Variants in VPS13C observed in about 807,000 individuals in gnomAD.
The protein encoded by VPS13C is intermembrane lipid transfer protein VPS13C.
In VPS13C, 358 loss-of-function variants were observed where a neutral mutation model predicts 456.8. The ratio of observed to expected loss-of-function variants is 0.78; its 90% CI spans 0.72 to 0.86. The LOEUF (loss-of-function observed/expected upper bound fraction) is 0.86, where lower values mean the gene tolerates loss of function less well. Ranked by LOEUF, VPS13C falls within the 40% of genes least tolerant of loss-of-function variation. The pLI, the probability that VPS13C is intolerant of heterozygous loss-of-function variation, is 0.00. For missense variants in VPS13C, 4,818 were observed against 4,385.4 expected, an observed-to-expected ratio of 1.10 and a Z score of -2.79; for synonymous variants, 1,578 against 1,486.7, an observed-to-expected ratio of 1.06 and a Z score of -1.41.
At position 61,893,347 on chromosome 15, in the gene VPS13C, A is replaced by C. The variant is rs1192154199; in HGVS notation, c.9106-2947T>G. 2.6e-5 allele frequency among the ~76,000 whole-genome samples: 4 copies of C among 152,216 alleles called. No homozygotes were observed. In the East Asian group the frequency reaches 7.7e-4, roughly 29 times the overall value. ...CAACATACTCAAAGTGTTGAAGGGG[A>C]AGAAAAACCCTGCCAACCAAGAATA... On this transcript the variant is annotated intron_variant, in intron 66 of 84. Transcript: ENST00000644861.
intron 47 of VPS13C, among the ~76,000 whole-genome samples, chr15:61,939,028 A>G (rs1303265134): frequency 1.3e-5 from 2 of 152,198 alleles, no homozygotes; most frequent in African/African-American, 4.8e-5. Flanking sequence ...TGTTCAAGAT[A>G]TATCAATTTT....
At chr15:61,997,959 C>G (rs1297333958) in intron 16 of VPS13C, among the ~76,000 whole-genome samples, 3 of 152,094 alleles carry the variant, frequency 2.0e-5, no homozygotes, top group African/African-American at 7.2e-5. Flanking sequence ...GAGTAAGAGC[C>G]AAAATCCACA....
In VPS13C at chr15:61,962,811, G is replaced by T. The variant is rs754415374; in HGVS notation, c.3373C>A (p.Leu1125Ile). ...ATAATATTTTCTAGTCGGGCAAAAA[G>T]TGACTGCTTTCTTGACTGGAGAGAA... Reference protein sequence around the residue: ...SLSLQSRKQSLFARLENIIVT... With the variant: ...SLSLQSRKQSIFARLENIIVT... Residue 1125 changes from leucine to isoleucine, a missense_variant, in exon 33 of 85, where the codon CTT (leucine) becomes ATT (isoleucine). Physicochemically the swap from Leu to Ile is conservative, Grantham distance 5. Coordinates refer to ENST00000644861, the MANE Select transcript of VPS13C (RefSeq NM_020821.3). 16 of 1,607,274 alleles carry T rather than the reference G, an allele frequency of 1.0e-5. No homozygotes were observed. The highest frequency in any genetic ancestry group is 3.3e-5 in the South Asian group (3 of 89,838).
intron 38 of VPS13C, among the ~76,000 whole-genome samples, chr15:61,952,990 C>G (rs932310821): frequency 2.0e-5 from 3 of 151,910 alleles, no homozygotes; most frequent in African/African-American, 7.3e-5. Flanking sequence ...TCCCAGAGTA[C>G]TGAGATTACA....
intron 66 of VPS13C, among the ~76,000 whole-genome samples, chr15:61,894,015 A>T (rs1302025770): frequency 6.6e-6 from 1 of 152,134 alleles, no homozygotes; most frequent in Admixed American, 6.5e-5. Flanking sequence ...ATTATAAAAG[A>T]ATCAGAAAGG....
chr15:62,041,671 T>A (rs1488614702), intron 2 of VPS13C, among the ~76,000 whole-genome samples: 1 of 151,848 alleles, frequency 6.6e-6, no homozygotes, highest in Non-Finnish European at 1.5e-5. Flanking sequence ...TACAAAAAAA[T>A]TAGCCTGGTG....
intron 9 of VPS13C, among the ~76,000 whole-genome samples, chr15:62,019,948 CTA>C (rs764621638): frequency 1.1e-4 from 16 of 146,520 alleles, no homozygotes; most frequent in African/African-American, 7.5e-5. Context: ...AATGTCCAGC[CTA>C]TATATATATA....
rs547236976 is a variant in VPS13C, at chr15:62,046,417, T to C, written c.101-2162A>G. ...GTATTATATATGCACTAAAATTACATAAAGACAAATATTCCTAGATTCAAA... is the reference window on the plus strand; with the variant it reads ...GTATTATATATGCACTAAAATTACACAAAGACAAATATTCCTAGATTCAAA... On this transcript the variant is annotated intron_variant, in intron 1 of 84. Coordinates refer to ENST00000644861, the MANE Select transcript of VPS13C (RefSeq NM_020821.3). Among the ~76,000 whole-genome samples the C allele has an allele frequency of 5.9e-5, 9 of 152,276 alleles. No homozygotes were observed. In the East Asian group the frequency reaches 1.7e-3, roughly 29 times the overall value.
chr15:61,931,299 A>C (rs1234700171), intron 49 of VPS13C, 40 bp from the exon 50 acceptor site: 1 of 1,534,518 alleles, frequency 6.5e-7, no homozygotes, highest in East Asian at 2.4e-5. Flanking sequence ...AATTACCTTT[A>C]AATATTATAT....
At chr15:61,872,077 T>G (rs766106199) in intron 78 of VPS13C, 43 bp from the exon 79 acceptor site, 1 of 1,580,376 alleles carries the variant, frequency 6.3e-7, no homozygotes, top group South Asian at 1.1e-5. Context: ...GAATGGAAGG[T>G]GTTTAATTTT....
chr15:61,896,125 G>A (rs1484249732), intron 66 of VPS13C, among the ~76,000 whole-genome samples: 2 of 152,134 alleles, frequency 1.3e-5, no homozygotes, highest in East Asian at 3.8e-4. Flanking sequence ...GAGCAGACCA[G>A]TAACAAGCAA....
intron 82 of VPS13C, among the ~76,000 whole-genome samples, chr15:61,862,723 G>A (rs771226259): frequency 2.0e-5 from 3 of 152,046 alleles, no homozygotes; most frequent in African/African-American, 4.8e-5. Context: ...TGAGGATTCT[G>A]ACATGACTGG....
chr15:61,998,377 A>C (rs1596452183), intron 16 of VPS13C, among the ~76,000 whole-genome samples: 1 of 152,192 alleles, frequency 6.6e-6, no homozygotes, highest in Non-Finnish European at 1.5e-5. Flanking sequence ...CTACAATATA[A>C]ATAAAAGATT....
chr15:62,058,929 CA>C (rs10536013), intron 1 of VPS13C, among the ~76,000 whole-genome samples: 4,124 of 141,786 alleles, frequency 0.029, 107 homozygotes, highest in South Asian at 0.076. Context: ...AAAGACAAGC[CA>C]AAAAAAAAAA....
intron 80 of VPS13C, 63 bp from the exon 81 acceptor site, chr15:61,868,836 G>C (rs1428824539): frequency 1.6e-6 from 2 of 1,272,546 alleles, no homozygotes; most frequent in East Asian, 2.4e-5. Flanking sequence ...TAATGTGTGT[G>C]TTGATTAAAT....
At chr15:62,028,725 A>T (rs2047719751) in intron 5 of VPS13C, among the ~76,000 whole-genome samples, 1 of 152,106 alleles carries the variant, frequency 6.6e-6, no homozygotes, top group South Asian at 2.1e-4. Flanking sequence ...GTTTTCAAAC[A>T]GTGCAAAAAT....
chr15:62,021,452 G>A (rs926261124), intron 8 of VPS13C, among the ~76,000 whole-genome samples: 4 of 151,718 alleles, frequency 2.6e-5, no homozygotes, highest in Non-Finnish European at 4.4e-5. Flanking sequence ...AGTTTTTGTT[G>A]TATTTCTGAT....
At position 61,854,234 on chromosome 15, in the gene VPS13C, A is replaced by G. The variant is rs1449294344; in HGVS notation, c.*223T>C. ...TGACGTTTCTTCAAGGGTCTGACCCATTTGGGTGGTGGCGTAGAAGTGGAC... is the reference window on the plus strand; with the variant it reads ...TGACGTTTCTTCAAGGGTCTGACCCGTTTGGGTGGTGGCGTAGAAGTGGAC... On this transcript the variant is annotated 3_prime_UTR_variant, in exon 85 of 85. Coordinates refer to ENST00000644861, the MANE Select transcript of VPS13C (RefSeq NM_020821.3). 1 of 576,634 alleles carries G rather than the reference A, an allele frequency of 1.7e-6. No individual in the cohort carries two copies. The highest frequency in any genetic ancestry group is 3.0e-5 in the Admixed American group (1 of 33,640). 35.7% of individuals were successfully genotyped at this position (576,634 alleles called of 1,614,324 possible).
At chr15:61,966,207 T>C in intron 29 of VPS13C, 65 bp from the exon 30 acceptor site, 1 of 1,073,214 alleles carries the variant, frequency 9.3e-7, no homozygotes, top group Non-Finnish European at 1.4e-6. Context: ...CACTTATTTA[T>C]TATCTCTGGT....
Sources: allele counts gnomAD v4.1 joint callset (sites outside exome capture counted in the v4.1 genomes callset), GRCh38; gene constraint gnomAD v4.1.1; transcripts MANE v1.5; gene names NCBI Gene and HGNC (gene_info 2026-07-23, HGNC 2026-07-21).